The following ADGRF3 variants were observed in gnomAD, a reference collection of about 807,000 sequenced individuals.
The protein encoded by ADGRF3 is G protein-coupled receptor 113.
A neutral mutation model predicts 93.2 loss-of-function variants in ADGRF3; 85 were observed. The ratio of observed to expected loss-of-function variants is 0.91; its 90% CI spans 0.77 to 1.09. The LOEUF is 1.09. Among genes scored for constraint, ADGRF3 ranks in the 50% least tolerant of loss-of-function variants. The pLI, the probability that ADGRF3 is intolerant of heterozygous loss-of-function variation, is 0.00. For synonymous variants in ADGRF3, 534 were observed against 532.5 expected (o/e 1.00, Z -0.04); for missense variants, 1,125 against 1,246.2 (o/e 0.90, Z 1.46).
intron 5 of ADGRF3, 133 bp from the exon 6 acceptor site, chr2:26,314,756 G>C: frequency 1.3e-6 from 1 of 767,052 alleles, no homozygotes; most frequent in Non-Finnish European, 2.1e-6. Flanking sequence ...CAGCAAGCAA[G>C]GTCCCAGGAT....
chr2:26,329,276 G>A (rs375151329), intron 1 of ADGRF3, among the ~76,000 whole-genome samples: 4 of 152,296 alleles, frequency 2.6e-5, no homozygotes, highest in East Asian at 1.9e-4. Flanking sequence ...CCACAGGTGT[G>A]TGTCATCACG....
chr2:26,315,512 G>C lies in ADGRF3; in HGVS notation c.718+10C>G. 2 of 1,548,516 alleles carry C rather than the reference G, an allele frequency of 1.3e-6. No homozygotes were observed. Among genetic ancestry groups the C allele is most frequent in the Non-Finnish European group, 1.7e-6 (2 of 1,144,676 alleles). On this transcript the variant is annotated intron_variant, in intron 5 of 13. Coordinates refer to ENST00000651242, the MANE Select transcript of ADGRF3 (RefSeq NM_001321971.2). ...GGAGAAAGGAGGCAAGGAGAGGACA[G>C]GCTGGCTACCTGCCCAGTGATGGGA...
At chr2:26,316,890 C>T (rs575915530) in intron 3 of ADGRF3, 22 bp downstream of exon 3, 6 of 1,588,356 alleles carry the variant, frequency 3.8e-6, no homozygotes, top group Non-Finnish European at 5.1e-6. Flanking sequence ...CACTCTCAGC[C>T]CCCTTCCCAC....
Position 26,311,896 on chromosome 2 carries a change from T to C in ADGRF3, c.1628A>G (p.Gln543Arg). The change falls in exon 10 of 14, where the codon CAG becomes CGG. Residue 543 changes from glutamine to arginine, a missense_variant. By Grantham distance (43) the Gln-to-Arg change is conservative. Transcript: ENST00000651242. ...AAACGTGGGTCCAAACAGCTGGCTC[T>C]GCAGCAGCACATTGGGTAAGCTGAA... ...FAFSLPNVLL[Q>R]SQLFGPTFPA... 1 of 1,613,908 alleles carries C rather than the reference T, an allele frequency of 6.2e-7. No homozygotes were observed. Among genetic ancestry groups the C allele is most frequent in the Non-Finnish European group, 8.5e-7 (1 of 1,179,842 alleles).
chr2:26,313,868 C>A lies in ADGRF3; in HGVS notation c.964G>T (p.Val322Leu), dbSNP rs1342777044. ...ATCGGGCAGCGCTGAACAGCCAGCA[C>A]AAAGCACTGAGAGCCTGACTCGTTG... ...SFNESGSQCF[V>L]LAVQRCPMAD... Residue 322 changes from valine to leucine, a missense_variant, in exon 7 of 14, where the codon GTG (valine) becomes TTG (leucine). Transcript: ENST00000651242. 6.2e-7 allele frequency: 1 copy of A among 1,613,898 alleles called. No homozygotes were observed. Among genetic ancestry groups the A allele is most frequent in the Non-Finnish European group, 8.5e-7 (1 of 1,179,788 alleles).
At chr2:26,319,576 T>TTCCC (rs1675003204) in intron 1 of ADGRF3, among the ~76,000 whole-genome samples, 1 of 43,786 alleles carries the variant, frequency 2.3e-5, no homozygotes. Flanking sequence ...CCTTCCTTCC[T>TTCCC]TCCTTCCTTC....
At chr2:26,341,035 A>G (rs186590317) in intron 1 of ADGRF3, among the ~76,000 whole-genome samples, 94 of 152,274 alleles carry the variant, frequency 6.2e-4, no homozygotes, top group East Asian at 1.2e-3. Context: ...ACTTCGAATG[A>G]CTACTGACAC....
chr2:26,341,747 C>T (rs1293499664), intron 1 of ADGRF3, among the ~76,000 whole-genome samples: 1 of 152,094 alleles, frequency 6.6e-6, no homozygotes, highest in Non-Finnish European at 1.5e-5. Context: ...ACCCTCCTTT[C>T]TCAGCCTTTC....
At chr2:26,345,827 C>A (rs918342660) in intron 1 of ADGRF3, 1 of 416,390 alleles carries the variant, frequency 2.4e-6, no homozygotes, top group Admixed American at 4.0e-5. Flanking sequence ...CCCCCGGGAC[C>A]GGGAGCAAAG....
At chr2:26,315,775 A>G (rs1256419866) in intron 4 of ADGRF3, 35 bp from the exon 5 acceptor site, 3 of 1,549,934 alleles carry the variant, frequency 1.9e-6, no homozygotes, top group Non-Finnish European at 2.6e-6. Flanking sequence ...ACCCTGGAGG[A>G]GGGACTTATG....
chr2:26,328,914 A>G (rs1374015639), intron 1 of ADGRF3, among the ~76,000 whole-genome samples: 3 of 152,204 alleles, frequency 2.0e-5, no homozygotes, highest in Non-Finnish European at 4.4e-5. Context: ...TAGACAGAAT[A>G]ATGACCACCC....
intron 1 of ADGRF3, among the ~76,000 whole-genome samples, chr2:26,332,252 C>T (rs1675809879): frequency 6.6e-6 from 1 of 152,132 alleles, no homozygotes; most frequent in African/African-American, 2.4e-5. Context: ...TAAAAGTACA[C>T]AGGTATGATG....
At chr2:26,313,164 A>T (rs756546333) in intron 8 of ADGRF3, 42 bp from the exon 9 acceptor site, 1 of 1,608,254 alleles carries the variant, frequency 6.2e-7, no homozygotes, top group East Asian at 2.2e-5. Context: ...ACATGGTGGA[A>T]TGATGGTTTG....
Position 26,308,965 on chromosome 2 carries a change from C to A in ADGRF3, c.*121G>T, listed in dbSNP as rs968975277. The stretch of plus-strand genomic sequence containing the variant: ...TGTCACTAAGGGAAATATAAGCCTG[C>A]CTTTCTCAAGGGCTGAGCTCCGGGA... On this transcript the variant is annotated 3_prime_UTR_variant, in exon 14 of 14. Transcript: ENST00000651242. 1.7e-5 allele frequency: 22 copies of A among 1,329,370 alleles called. No individual in the cohort carries two copies. Among genetic ancestry groups the A allele is most frequent in the African/African-American group, 4.3e-5 (3 of 69,066 alleles). The allele number at this position is 1,329,370 out of a possible 1,614,324, so 82.3% of individuals were successfully genotyped here.
At chr2:26,333,968 C>T (rs774301727) in intron 1 of ADGRF3, among the ~76,000 whole-genome samples, 4 of 146,764 alleles carry the variant, frequency 2.7e-5, no homozygotes, top group East Asian at 2.0e-4. Context: ...TACAGGCACA[C>T]GCCACCACGC....
intron 1 of ADGRF3, among the ~76,000 whole-genome samples, chr2:26,317,823 G>A (rs370697862): frequency 6.6e-5 from 10 of 152,330 alleles, no homozygotes; most frequent in East Asian, 3.9e-4. Flanking sequence ...TCCTTCCTGC[G>A]TTTACCTGTC....
At position 26,318,119 on chromosome 2, in the gene ADGRF3, T is replaced by C. The variant is rs1232006787; in HGVS notation, c.115-557A>G. 4 of 1,539,020 alleles carry C rather than the reference T, an allele frequency of 2.6e-6. No individual in the cohort carries two copies. The East Asian group carries it at 9.8e-5, about 38-fold the overall frequency. ...GGGGGATGGGGCAGGCAGGGAAGGG[T>C]CTGTCTGGTAGGGAGGTGAGGATGG... On this transcript the variant is annotated intron_variant, in intron 1 of 13. Coordinates refer to ENST00000651242, the MANE Select transcript of ADGRF3 (RefSeq NM_001321971.2).
At chr2:26,318,193 G>T in intron 1 of ADGRF3, 1 of 999,714 alleles carries the variant, frequency 1.0e-6, no homozygotes, top group Non-Finnish European at 1.5e-6. Flanking sequence ...CAGGAAATAT[G>T]GAGGGGCTCA....
In ADGRF3 at chr2:26,324,209, C is replaced by A. The variant is rs538819162; in HGVS notation, c.115-6647G>T. On this transcript the variant is annotated intron_variant, in intron 1 of 13. Transcript: ENST00000651242. ...AAAGCCACAGTGAGCTGTGATCGTG[C>A]CACTGCACTCCAGCCTGGGCAACAG... 5.9e-5 allele frequency among the ~76,000 whole-genome samples: 9 copies of A among 152,214 alleles called. No homozygotes were observed. The South Asian group carries it at 1.9e-3, about 32-fold the overall frequency.
Sources: gnomAD v4.1 joint callset for allele counts (sites outside exome capture counted in the v4.1 genomes callset) on GRCh38, gnomAD v4.1.1 for gene constraint, MANE v1.5 for transcripts, NCBI Gene and HGNC (gene_info 2026-07-23, HGNC 2026-07-21) for gene names.